Variants in PAIP2 observed in about 807,000 individuals in gnomAD.
PAIP2 encodes poly(A) binding protein interacting protein 2.
A neutral mutation model predicts 14.8 loss-of-function variants in PAIP2; 7 were observed. The observed-to-expected ratio is 0.47, with a 90% CI of 0.27 to 0.89. The LOEUF (loss-of-function observed/expected upper bound fraction) is 0.89, where lower values mean the gene tolerates loss of function less well. Ranked by LOEUF, PAIP2 falls within the 40% of genes least tolerant of loss-of-function variation. The pLI, the probability that PAIP2 is intolerant of heterozygous loss-of-function variation, is 0.13. For synonymous variants in PAIP2, 47 were observed against 45.3 expected (o/e 1.04, Z -0.15); for missense variants, 122 against 154.7 (o/e 0.79, Z 1.12).
rs543825156 is a variant in PAIP2, at chr5:139,368,146, T to C, written c.319-587T>C. On this transcript the variant is annotated intron_variant, in intron 3 of 3. Coordinates refer to ENST00000265192, the MANE Select transcript of PAIP2 (RefSeq NM_016480.5). ...GTCAGGAGATCGAGACCATCCTGGC[T>C]AACATGGTGAAACCCCGTCTTTACT... Among the ~76,000 whole-genome samples, 6 of 152,200 alleles carry C rather than the reference T, an allele frequency of 3.9e-5. No homozygotes were observed. The South Asian group carries it at 1.2e-3, about 32-fold the overall frequency.
chr5:139,358,987 T>G (rs1278796692), intron 1 of PAIP2, among the ~76,000 whole-genome samples: 1 of 152,152 alleles, frequency 6.6e-6, no homozygotes. Context: ...AGTAAATTCT[T>G]TTTTTGAGAC....
intron 1 of PAIP2, among the ~76,000 whole-genome samples, chr5:139,345,726 C>T (rs1258080600): frequency 6.6e-6 from 1 of 150,436 alleles, no homozygotes; most frequent in Non-Finnish European, 1.5e-5. Flanking sequence ...CTCCCGGGTT[C>T]ATGCCATTCT....
At chr5:139,353,331 C>T (rs1420936872) in intron 1 of PAIP2, among the ~76,000 whole-genome samples, 1 of 152,216 alleles carries the variant, frequency 6.6e-6, no homozygotes, top group African/African-American at 2.4e-5. Flanking sequence ...AAAGCATTCT[C>T]TCAGCCAGGG....
chr5:139,366,202 CAAAA>C (rs1215094572), intron 3 of PAIP2, among the ~76,000 whole-genome samples: 29 of 25,312 alleles, frequency 1.1e-3, no homozygotes, highest in Non-Finnish European at 1.9e-3. Flanking sequence ...GACTCCACCT[CAAAA>C]AAAAAAAAAA....
At chr5:139,355,938 C>T (rs1477882876) in intron 1 of PAIP2, among the ~76,000 whole-genome samples, 1 of 150,772 alleles carries the variant, frequency 6.6e-6, no homozygotes, top group Non-Finnish European at 1.5e-5. Context: ...GAGTTTGAGA[C>T]CAGGCTGGCC....
At chr5:139,345,541 G>C (rs1395776373) in intron 1 of PAIP2, among the ~76,000 whole-genome samples, 1 of 152,016 alleles carries the variant, frequency 6.6e-6, no homozygotes, top group African/African-American at 2.4e-5. Context: ...GATCACAGTG[G>C]TTCAAAACAG....
intron 1 of PAIP2, among the ~76,000 whole-genome samples, chr5:139,359,829 G>A (rs1757017346): frequency 1.3e-5 from 2 of 151,330 alleles, no homozygotes; most frequent in African/African-American, 2.4e-5. Context: ...AAAATTAGCC[G>A]GCCATGGTGG....
In PAIP2 at chr5:139,363,882, A is replaced by G. The variant is rs753242971; in HGVS notation, c.98A>G (p.Glu33Gly). The part of the protein sequence containing the change: ...HSHEDDNPFA[E>G]YMWMENEEEF... ...CATGAAGATGACAATCCATTTGCAG[A>G]GTACATGTGGATGGAAAATGAAGAA... The change falls in exon 2 of 4, where the codon GAG becomes GGG. Residue 33 changes from glutamate to glycine, a missense_variant. By Grantham distance (98) the Glu-to-Gly change is moderately conservative (BLOSUM62 -2). Coordinates refer to ENST00000265192, the MANE Select transcript of PAIP2 (RefSeq NM_016480.5). 2.5e-6 allele frequency: 4 copies of G among 1,613,508 alleles called. No individual in the cohort carries two copies. The highest frequency in any genetic ancestry group is 1.3e-5 in the African/African-American group (1 of 74,928).
chr5:139,358,869 T>A (rs1756991999), intron 1 of PAIP2, among the ~76,000 whole-genome samples: 1 of 152,126 alleles, frequency 6.6e-6, no homozygotes, highest in Non-Finnish European at 1.5e-5. Context: ...GCTTGGGAAA[T>A]GGAGAGTGAC....
chr5:139,352,641 T>C (rs1040578463), intron 1 of PAIP2, among the ~76,000 whole-genome samples: 5 of 151,570 alleles, frequency 3.3e-5, no homozygotes, highest in Admixed American at 3.3e-4. Flanking sequence ...CCGGCTACTT[T>C]TGTGTTTTTA....
At chr5:139,366,510 G>A (rs1398886776) in intron 3 of PAIP2, among the ~76,000 whole-genome samples, 2 of 152,186 alleles carry the variant, frequency 1.3e-5, no homozygotes, top group Non-Finnish European at 2.9e-5. Flanking sequence ...TATAGCCTTT[G>A]TTGCAGTAAG....
rs200781015 is a variant in PAIP2, at chr5:139,364,705, C to T, written c.280C>T (p.Leu94Phe). The T allele has an allele frequency of 1.1e-4, 170 of 1,612,312 alleles. No individual in the cohort carries two copies. The highest frequency in any genetic ancestry group is 1.3e-4 in the Non-Finnish European group (159 of 1,178,938). The change falls in exon 3 of 4, where the codon CTT (leucine) becomes TTT (phenylalanine). Residue 94 changes from leucine to phenylalanine, a missense_variant. Coordinates refer to ENST00000265192, the MANE Select transcript of PAIP2 (RefSeq NM_016480.5). Reference protein sequence around the residue: ...MDQIQDQFNDLVISDGSSLED... With the variant: ...MDQIQDQFNDFVISDGSSLED... ...CCAAATCCAAGACCAGTTTAATGAC[C>T]TTGTTATCAGTGATGGCTCTTCTCT...
chr5:139,347,828 C>T (rs1756600508), intron 1 of PAIP2, among the ~76,000 whole-genome samples: 3 of 151,678 alleles, frequency 2.0e-5, no homozygotes, highest in Non-Finnish European at 4.4e-5. Context: ...CCTCAGGTAG[C>T]CTTTTGAACT....
At chr5:139,347,183 A>G (rs568560440) in intron 1 of PAIP2, among the ~76,000 whole-genome samples, 1 of 151,954 alleles carries the variant, frequency 6.6e-6, no homozygotes, top group Non-Finnish European at 1.5e-5. Context: ...ACAATAGATT[A>G]TCAACAGGAA....
At chr5:139,348,481 A>G (rs929668997) in intron 1 of PAIP2, among the ~76,000 whole-genome samples, 1 of 151,438 alleles carries the variant, frequency 6.6e-6, no homozygotes, top group Non-Finnish European at 1.5e-5. Flanking sequence ...CGGCCTCCTG[A>G]GTAGCTGGGA....
At position 139,343,381 on chromosome 5, in the gene PAIP2, G is replaced by C. The variant is rs1043892909; in HGVS notation, c.-27+1401G>C. The C allele has an allele frequency of 6.6e-5, 10 of 152,306 alleles. No individual in the cohort carries two copies. The South Asian group carries it at 1.2e-3, about 19-fold the overall frequency. The allele number at this position is 152,306 out of a possible 1,614,324, so 9.4% of individuals were successfully genotyped here. A position where few individuals can be genotyped will look rare whatever the true frequency, so the allele number is the denominator to read the frequency against. ...CCTCTAATGATTCAAGGCTGTGCACGTTGCTCCTTAGGAACTCAAATTGAG... is the reference window on the plus strand; with the variant it reads ...CCTCTAATGATTCAAGGCTGTGCACCTTGCTCCTTAGGAACTCAAATTGAG... On this transcript the variant is annotated intron_variant, in intron 1 of 3. Coordinates refer to ENST00000265192, the MANE Select transcript of PAIP2 (RefSeq NM_016480.5).
chr5:139,342,804 A>T (rs1037746185), intron 1 of PAIP2: 3 of 151,750 alleles, frequency 2.0e-5, no homozygotes, highest in Non-Finnish European at 4.4e-5. Flanking sequence ...TTTTTTAGGG[A>T]CTCCTAAAAG....
chr5:139,347,125 A>G (rs1756574233), intron 1 of PAIP2, among the ~76,000 whole-genome samples: 1 of 152,118 alleles, frequency 6.6e-6, no homozygotes, highest in Admixed American at 6.6e-5. Context: ...AGGATTTTTA[A>G]AAGGAAAGAA....
At chr5:139,366,288 T>TGAAC (rs1403614166) in intron 3 of PAIP2, among the ~76,000 whole-genome samples, 5 of 151,526 alleles carry the variant, frequency 3.3e-5, no homozygotes, top group African/African-American at 1.2e-4. Flanking sequence ...CTGGGTCCAC[T>TGAAC]GAACTAATCT....
Sources: allele counts gnomAD v4.1 joint callset (sites outside exome capture counted in the v4.1 genomes callset), GRCh38; gene constraint gnomAD v4.1.1; transcripts MANE v1.5; gene names NCBI Gene and HGNC (gene_info 2026-07-23, HGNC 2026-07-21).